SYCP2L: variants seen among roughly 807,000 people sequenced by gnomAD.
SYCP2L encodes synaptonemal complex protein 2 like.
In SYCP2L, 98 loss-of-function variants were observed where a neutral mutation model predicts 125.8. The observed-to-expected ratio is 0.78, with a 90% CI of 0.66 to 0.92. The LOEUF (loss-of-function observed/expected upper bound fraction) is 0.92, where lower values mean the gene tolerates loss of function less well. Among genes scored for constraint, SYCP2L ranks in the 40% least tolerant of loss-of-function variants. SYCP2L has a pLI of 0.00. For missense variants in SYCP2L, 842 were observed against 936.4 expected, an observed-to-expected ratio of 0.90 and a Z score of 1.32; for synonymous variants, 317 against 325.4, an observed-to-expected ratio of 0.97 and a Z score of 0.28.
intron 24 of SYCP2L, 101 bp from the exon 25 acceptor site, chr6:10,956,035 T>A (rs968209558): frequency 2.1e-5 from 20 of 937,730 alleles, no homozygotes; most frequent in Non-Finnish European, 2.9e-5. Context: ...GGTTCGCATC[T>A]GTGCTTCCAA....
intron 26 of SYCP2L, among the ~76,000 whole-genome samples, chr6:10,961,065 T>C (rs9468075): frequency 0.29 from 40,128 of 138,532 alleles, 5,969 homozygotes; most frequent in East Asian, 0.45. Flanking sequence ...GCAACAAGAG[T>C]GAAACTCCAT....
intron 15 of SYCP2L, among the ~76,000 whole-genome samples, chr6:10,925,387 C>T (rs1196692639): frequency 6.6e-6 from 1 of 152,120 alleles, no homozygotes; most frequent in Non-Finnish European, 1.5e-5. Flanking sequence ...GGACTTTTTC[C>T]ACAGTTGTAC....
intron 12 of SYCP2L, among the ~76,000 whole-genome samples, chr6:10,911,650 G>T (rs1424431680): frequency 6.6e-6 from 1 of 152,066 alleles, no homozygotes; most frequent in East Asian, 1.9e-4. Flanking sequence ...TCTGCTCTCT[G>T]TTTGGTTTTT....
In SYCP2L at chr6:10,954,919, C is replaced by A. The variant is rs141333479; in HGVS notation, c.1955-197C>A. On this transcript the variant is annotated intron_variant, in intron 23 of 29. Coordinates refer to ENST00000283141, the MANE Select transcript of SYCP2L (RefSeq NM_001040274.3). The surrounding 1 kb of genome is among the most constrained non-coding windows in gnomAD (Gnocchi z 4.8). ...GTAACTGAGCTCATCAAAGGGATGC[C>A]TGTTCCCATGTTCAGGTATCAGTAG... Among the ~76,000 whole-genome samples the A allele has an allele frequency of 1.3e-4, 20 of 152,262 alleles. No individual in the cohort carries two copies. Among genetic ancestry groups the A allele is most frequent in the Admixed American group, 9.2e-4 (14 of 15,288 alleles).
intron 15 of SYCP2L, among the ~76,000 whole-genome samples, chr6:10,924,867 G>A (rs1780870230): frequency 6.6e-6 from 1 of 152,144 alleles, no homozygotes; most frequent in Non-Finnish European, 1.5e-5. Flanking sequence ...TCCTTGAAAT[G>A]CTTTACTCTA....
intron 2 of SYCP2L, among the ~76,000 whole-genome samples, chr6:10,893,560 C>T (rs1780209518): frequency 6.6e-6 from 1 of 152,090 alleles, no homozygotes; most frequent in Admixed American, 6.6e-5. Context: ...CAGTGGTTCC[C>T]AGACTTCAGC....
chr6:10,941,585 A>C (rs940420427), intron 21 of SYCP2L, among the ~76,000 whole-genome samples: 1 of 152,390 alleles, frequency 6.6e-6, no homozygotes, highest in South Asian at 2.1e-4. Context: ...AATGCAAATC[A>C]AAACCGCAAT....
intron 23 of SYCP2L, among the ~76,000 whole-genome samples, chr6:10,947,348 G>A (rs888673383): frequency 2.0e-5 from 3 of 151,958 alleles, no homozygotes; most frequent in African/African-American, 7.2e-5. Flanking sequence ...GATAGAAATT[G>A]CATTAAATAT....
At chr6:10,898,764 T>C in intron 5 of SYCP2L, 60 bp from the exon 6 acceptor site, 2 of 1,113,790 alleles carry the variant, frequency 1.8e-6, no homozygotes, top group Non-Finnish European at 2.7e-6. Flanking sequence ...ACATTCACAT[T>C]ACGGTTTATC....
At chr6:10,939,827 T>C (rs1385216115) in intron 21 of SYCP2L, among the ~76,000 whole-genome samples, 1 of 152,192 alleles carries the variant, frequency 6.6e-6, no homozygotes, top group African/African-American at 2.4e-5. Flanking sequence ...ACAACCCTAA[T>C]AGCACAATAA....
intron 12 of SYCP2L, 103 bp downstream of exon 12, chr6:10,910,972 C>T: frequency 1.6e-6 from 2 of 1,290,124 alleles, no homozygotes; most frequent in South Asian, 2.4e-5. Context: ...CTCAAAAGGG[C>T]TTTTTAAAAA....
chr6:10,906,786 C>T (rs1055222504), intron 9 of SYCP2L, among the ~76,000 whole-genome samples: 9 of 151,326 alleles, frequency 5.9e-5, no homozygotes, highest in East Asian at 3.9e-4. Flanking sequence ...TTAGTAGAGA[C>T]GGGGATTTCA....
chr6:10,963,338 C>A (rs1781623845), intron 28 of SYCP2L: 1 of 169,646 alleles, frequency 5.9e-6, no homozygotes, highest in Non-Finnish European at 1.3e-5. Flanking sequence ...TGGGCTGAGT[C>A]CTTGATGTGC....
chr6:10,893,701 A>G (rs1169368959), intron 2 of SYCP2L, among the ~76,000 whole-genome samples, 166 bp from the exon 3 acceptor site: 1 of 152,198 alleles, frequency 6.6e-6, no homozygotes, highest in Non-Finnish European at 1.5e-5. Flanking sequence ...GGAAACATCA[A>G]TCATTTGTGA....
intron 21 of SYCP2L, among the ~76,000 whole-genome samples, chr6:10,935,984 C>T (rs1387167974): frequency 1.3e-5 from 2 of 151,904 alleles, no homozygotes; most frequent in Non-Finnish European, 1.5e-5. Context: ...TTTTCTTAAC[C>T]CTCACTGTAT....
Position 10,963,828 on chromosome 6 carries a change from T to A in SYCP2L, c.*22T>A. ...ATAAGAAAGCCAAAGCCTGGTTTTA[T>A]GATTGCAGCCCTCAGGTAGGTGCAA... On this transcript the variant is annotated 3_prime_UTR_variant, in exon 29 of 30. Coordinates refer to ENST00000283141, the MANE Select transcript of SYCP2L (RefSeq NM_001040274.3). 1 of 1,613,944 alleles carries A rather than the reference T, an allele frequency of 6.2e-7. No individual in the cohort carries two copies. Among genetic ancestry groups the A allele is most frequent in the South Asian group, 1.1e-5 (1 of 91,082 alleles).
At chr6:10,943,284 A>G (rs919336968) in intron 23 of SYCP2L, among the ~76,000 whole-genome samples, 2 of 152,112 alleles carry the variant, frequency 1.3e-5, no homozygotes, top group African/African-American at 4.8e-5. Flanking sequence ...TCTTGACTGC[A>G]TTTTTTTCTC....
intron 5 of SYCP2L, among the ~76,000 whole-genome samples, 189 bp from the exon 6 acceptor site, chr6:10,898,635 A>C (rs1365434633): frequency 6.6e-6 from 1 of 152,196 alleles, no homozygotes; most frequent in Non-Finnish European, 1.5e-5. Flanking sequence ...TATATTAGTC[A>C]CCTGATTGAG....
intron 9 of SYCP2L, among the ~76,000 whole-genome samples, chr6:10,906,867 G>A (rs949954639): frequency 6.6e-6 from 1 of 151,942 alleles, no homozygotes; most frequent in African/African-American, 2.4e-5. Flanking sequence ...CCAAAGTGCT[G>A]GGATTACAGG....
Sources: allele counts gnomAD v4.1 joint callset (sites outside exome capture counted in the v4.1 genomes callset), GRCh38; gene constraint gnomAD v4.1.1; non-coding constraint Gnocchi (gnomAD v3.1); transcripts MANE v1.5; gene names NCBI Gene and HGNC (gene_info 2026-07-23, HGNC 2026-07-21).